The following FBXW8 variants were observed in gnomAD, a reference collection of about 807,000 sequenced individuals.
FBXW8 encodes the protein F-box and WD repeat domain containing 8, also known as F-box/WD repeat-containing protein 8.
Under a neutral mutation model 65.3 loss-of-function variants are expected in FBXW8, and 57 were observed. That is an observed-to-expected ratio of 0.87 (90% confidence interval 0.71 to 1.09). The LOEUF is 1.09. Ranked by LOEUF, FBXW8 falls within the 50% of genes least tolerant of loss-of-function variation. The pLI is 0.00. For missense variants in FBXW8, 777 were observed against 814.8 expected, an observed-to-expected ratio of 0.95 and a Z score of 0.57; for synonymous variants, 308 against 330.2, an observed-to-expected ratio of 0.93 and a Z score of 0.73.
At chr12:116,997,697 CCTGCAGGAGCACCAGCAGCCCTGGGCTG>C (rs1219804054) in intron 7 of FBXW8, among the ~76,000 whole-genome samples, 1 of 152,206 alleles carries the variant, frequency 6.6e-6, no homozygotes, top group Non-Finnish European at 1.5e-5. Flanking sequence ...TATATTCAGG[CCTGCAGGAGCACCAGCAGCCCTGGGCTG>C]CTGCAGGAGC....
intron 7 of FBXW8, among the ~76,000 whole-genome samples, chr12:116,992,370 G>GA (rs1953262339): frequency 1.3e-5 from 2 of 151,068 alleles, no homozygotes; most frequent in South Asian, 4.2e-4. Flanking sequence ...TAAAGTCATA[G>GA]AAAAAAATAG....
In FBXW8 at chr12:116,911,131, G is replaced by T; in HGVS notation, c.94G>T (p.Ala32Ser). ...APKKRRRPEA[A>S]ERRARRPEVG... ...GAAGAAGCGGCGACGGCCCGAGGCT[G>T]CCGAGAGGCGGGCTCGGCGGCCGGA... Residue 32 changes from alanine (A) to serine (S), a missense_variant, in exon 1 of 11, where the codon GCC becomes TCC. Ala to Ser is a moderately conservative substitution (Grantham distance 99, BLOSUM62 1). Coordinates refer to ENST00000652555, the MANE Select transcript of FBXW8 (RefSeq NM_153348.3). 7.3e-7 allele frequency: 1 copy of T among 1,369,834 alleles called. No homozygotes were observed. Among genetic ancestry groups the T allele is most frequent in the Non-Finnish European group, 9.3e-7 (1 of 1,072,098 alleles). The allele number at this position is 1,369,834 out of a possible 1,614,324, so 84.9% of individuals were successfully genotyped here.
chr12:116,918,699 A>G (rs1880631517), intron 1 of FBXW8, among the ~76,000 whole-genome samples: 2 of 152,334 alleles, frequency 1.3e-5, no homozygotes, highest in South Asian at 4.1e-4. Context: ...TTCAGACTCG[A>G]ATCCATTGCC....
chr12:117,013,638 T>C (rs914056972), intron 8 of FBXW8, among the ~76,000 whole-genome samples: 4 of 152,244 alleles, frequency 2.6e-5, no homozygotes, highest in African/African-American at 9.6e-5. Flanking sequence ...TTCACATCTA[T>C]GAAATCAGAA....
intron 7 of FBXW8, among the ~76,000 whole-genome samples, chr12:116,995,765 GA>G: frequency 6.6e-6 from 1 of 152,312 alleles, no homozygotes; most frequent in South Asian, 2.1e-4. Flanking sequence ...GATTGTAAAA[GA>G]AAACAAAGGT....
chr12:117,027,803 A>G (rs1455802315), intron 10 of FBXW8, among the ~76,000 whole-genome samples: 2 of 152,180 alleles, frequency 1.3e-5, no homozygotes, highest in African/African-American at 4.8e-5. Context: ...CGCCCTCTTG[A>G]GTCCTTGCCC....
intron 5 of FBXW8, among the ~76,000 whole-genome samples, chr12:116,969,727 A>G (rs1201514082): frequency 2.0e-5 from 3 of 150,156 alleles, no homozygotes; most frequent in Non-Finnish European, 4.5e-5. Context: ...CGGTGGAGGG[A>G]ATCGTATCCA....
At chr12:117,018,046 C>G (rs934392563) in intron 8 of FBXW8, among the ~76,000 whole-genome samples, 1 of 152,180 alleles carries the variant, frequency 6.6e-6, no homozygotes, top group Non-Finnish European at 1.5e-5. Flanking sequence ...GAGCTCTTAA[C>G]ACAGGACCAA....
rs1880169822 is a variant in FBXW8, at chr12:116,913,608, A to G, written c.318+2253A>G. 2.0e-5 allele frequency among the ~76,000 whole-genome samples: 3 copies of G among 152,156 alleles called. No homozygotes were observed. The South Asian group carries it at 6.2e-4, about 32-fold the overall frequency. The stretch of plus-strand genomic sequence containing the variant: ...AAAGGCCATCATTCTCATTGCCTTC[A>G]TGCTGGGTAGGCTGCTGCTGCTGCT... On this transcript the variant is annotated intron_variant, in intron 1 of 10. Coordinates refer to ENST00000652555, the MANE Select transcript of FBXW8 (RefSeq NM_153348.3).
At position 117,030,825 on chromosome 12, in the gene FBXW8, A is replaced by G. The variant is rs1263016149; in HGVS notation, c.*2653A>G. ...CTACTGCAAACCTCCACATCCTGGA[A>G]TCAATCACACTGACAGGGAAAGGAT... On this transcript the variant is annotated 3_prime_UTR_variant, in exon 11 of 11. Coordinates refer to ENST00000652555, the MANE Select transcript of FBXW8 (RefSeq NM_153348.3). 3 of 152,346 alleles carry G rather than the reference A, an allele frequency of 2.0e-5. No homozygotes were observed. In the East Asian group the frequency reaches 5.8e-4, roughly 29 times the overall value. 9.4% of individuals were successfully genotyped at this position (152,346 alleles called of 1,614,324 possible).
intron 2 of FBXW8, among the ~76,000 whole-genome samples, chr12:116,941,190 G>A (rs1882540121): frequency 6.6e-6 from 1 of 152,208 alleles, no homozygotes; most frequent in African/African-American, 2.4e-5. Flanking sequence ...TGGAAGCATT[G>A]CAGGATTGCC....
chr12:116,921,031 C>T (rs559608831), intron 1 of FBXW8, among the ~76,000 whole-genome samples: 38 of 152,178 alleles, frequency 2.5e-4, no homozygotes, highest in Non-Finnish European at 4.3e-4. Flanking sequence ...CTTCACACCA[C>T]CCTCCTTCAC....
chr12:116,918,101 G>A (rs940340883), intron 1 of FBXW8, among the ~76,000 whole-genome samples: 1 of 152,058 alleles, frequency 6.6e-6, no homozygotes, highest in Non-Finnish European at 1.5e-5. Context: ...GTGATGAGTT[G>A]GGAATACCTC....
At chr12:116,939,404 C>T (rs137863533) in intron 2 of FBXW8, among the ~76,000 whole-genome samples, 361 of 152,306 alleles carry the variant, frequency 2.4e-3, no homozygotes, top group African/African-American at 7.9e-3. Flanking sequence ...CTATTCAAAG[C>T]GCAAGTTCTG....
intron 5 of FBXW8, among the ~76,000 whole-genome samples, chr12:116,977,270 AT>A (rs200011709): frequency 1.3e-5 from 2 of 151,468 alleles, no homozygotes; most frequent in East Asian, 3.9e-4. Context: ...TAATTTTAAG[AT>A]TTTTTTTTCA....
intron 4 of FBXW8, 47 bp from the exon 5 acceptor site, chr12:116,964,650 C>T (rs1049839064): frequency 7.5e-6 from 12 of 1,609,720 alleles, no homozygotes; most frequent in East Asian, 2.2e-5. Context: ...CACCATAGCC[C>T]TGCTCTTCAA....
At chr12:117,016,194 G>C (rs1294952713) in intron 8 of FBXW8, among the ~76,000 whole-genome samples, 2 of 152,210 alleles carry the variant, frequency 1.3e-5, no homozygotes, top group Admixed American at 6.5e-5. Flanking sequence ...GAGTGGAATT[G>C]CTGGCTTATG....
intron 5 of FBXW8, among the ~76,000 whole-genome samples, chr12:116,980,579 C>T (rs770459115): frequency 1.1e-4 from 16 of 152,026 alleles, no homozygotes; most frequent in Non-Finnish European, 1.5e-4. Flanking sequence ...TTGCTAGGTC[C>T]GCAGTATGAT....
Position 116,911,551 on chromosome 12 carries a change from C to T in FBXW8, c.318+196C>T, listed in dbSNP as rs574133211. 1.8e-3 allele frequency among the ~76,000 whole-genome samples: 272 copies of T among 152,236 alleles called. 1 individual carries two copies. Among genetic ancestry groups the T allele is most frequent in the African/African-American group, 5.9e-3 (247 of 41,550 alleles). ...CTTCCCAACCAGGGCGATTTTGTTC[C>T]CCCAGATGTGGCAGTGTCTGCAGAC... On this transcript the variant is annotated intron_variant, in intron 1 of 10. Transcript: ENST00000652555.
Sources: allele counts gnomAD v4.1 joint callset (sites outside exome capture counted in the v4.1 genomes callset), GRCh38; gene constraint gnomAD v4.1.1; transcripts MANE v1.5; gene names NCBI Gene and HGNC (gene_info 2026-07-23, HGNC 2026-07-21).